KCNA2: variants seen among roughly 807,000 people sequenced by gnomAD.
KCNA2 encodes potassium voltage-gated channel subfamily A member 2.
In KCNA2, 11 loss-of-function variants were observed where a neutral mutation model predicts 33.4. That is an observed-to-expected ratio of 0.33 (90% CI 0.21 to 0.55). The LOEUF (loss-of-function observed/expected upper bound fraction) is 0.55. Ranked by LOEUF, KCNA2 falls within the 20% of genes least tolerant of loss-of-function variation. The pLI is 0.93. For missense variants in KCNA2, 291 were observed against 621.6 expected (o/e 0.47, Z 5.66); for synonymous variants, 222 against 231.3 (o/e 0.96, Z 0.37).
intron 1 of KCNA2, among the ~76,000 whole-genome samples, chr1:110,622,935 A>G (rs572445528): frequency 6.6e-6 from 1 of 152,344 alleles, no homozygotes; most frequent in East Asian, 1.9e-4. Flanking sequence ...TAGAATCTCA[A>G]TAAAAATCTT....
Position 110,594,211 on chromosome 1 carries a change from A to G in KCNA2, c.*9072T>C. On this transcript the variant is annotated 3_prime_UTR_variant, in exon 3 of 3. Transcript: ENST00000316361. Reference sequence around the variant, plus strand: ...GCTGAAGATTCATGCACAAGCAGCAAGGAAGCCAGTGCAAACCCTAACTGG... The same window carrying G: ...GCTGAAGATTCATGCACAAGCAGCAGGGAAGCCAGTGCAAACCCTAACTGG... 8.7e-7 allele frequency: 1 copy of G among 1,154,148 alleles called. No individual in the cohort carries two copies. Among genetic ancestry groups the G allele is most frequent in the Non-Finnish European group, 1.1e-6 (1 of 936,072 alleles). The allele number at this position is 1,154,148 out of a possible 1,614,324, so 71.5% of individuals were successfully genotyped here.
intron 1 of KCNA2, among the ~76,000 whole-genome samples, chr1:110,630,691 A>T (rs866273976): frequency 1.1e-4 from 17 of 152,348 alleles, no homozygotes; most frequent in South Asian, 4.1e-4. Flanking sequence ...AACAACAGAC[A>T]CTAAGCACCT....
At position 110,603,120 on chromosome 1, in the gene KCNA2, C is replaced by T. The variant is rs1649429734; in HGVS notation, c.*163G>A. The T allele has an allele frequency of 1.7e-5, 25 of 1,431,696 alleles. No individual in the cohort carries two copies. The South Asian group carries it at 3.6e-4, about 20-fold the overall frequency. The allele number at this position is 1,431,696 out of a possible 1,614,324, so 88.7% of individuals were successfully genotyped here. A position where few individuals can be genotyped will look rare whatever the true frequency, so the allele number is the denominator to read the frequency against. On this transcript the variant is annotated 3_prime_UTR_variant, in exon 3 of 3. Coordinates refer to ENST00000316361, the MANE Select transcript of KCNA2 (RefSeq NM_004974.4). This position sits in a 1 kb window ranked among gnomAD's most constrained non-coding sequence, Gnocchi z 5.7. ...GTGCATGAAAGCCATGATAGATATT[C>T]TGTGTTCTAAATCAAAAGTCAAAAG...
Position 110,595,657 on chromosome 1 carries a change from GT to G in KCNA2, c.*7625del. On this transcript the variant is annotated 3_prime_UTR_variant, in exon 3 of 3. Coordinates refer to ENST00000316361, the MANE Select transcript of KCNA2 (RefSeq NM_004974.4). ...AGCAGGTTTTAGCTTGCATCCAGCT[GT>G]TTCTTGAGTGATGTGTACAGCTTAC... 1.0e-6 allele frequency: 1 copy of G among 985,448 alleles called. No homozygotes were observed. The highest frequency in any genetic ancestry group is 1.2e-6 in the Non-Finnish European group (1 of 829,952). 61.0% of individuals were successfully genotyped at this position (985,448 alleles called of 1,614,324 possible). A position where few individuals can be genotyped will look rare whatever the true frequency, so the allele number is the denominator to read the frequency against.
intron 1 of KCNA2, among the ~76,000 whole-genome samples, chr1:110,623,471 C>T (rs935751371): frequency 5.3e-5 from 8 of 152,152 alleles, no homozygotes; most frequent in African/African-American, 7.2e-5. Flanking sequence ...AATTAAACCT[C>T]GCTGAATTAA....
chr1:110,625,823 G>C (rs1650374364), intron 1 of KCNA2, among the ~76,000 whole-genome samples: 1 of 152,184 alleles, frequency 6.6e-6, no homozygotes, highest in Admixed American at 6.5e-5. Flanking sequence ...AAGTGCATGT[G>C]CTCCTTAATA....
Position 110,594,079 on chromosome 1 carries a change from G to A in KCNA2, c.*9204C>T, listed in dbSNP as rs544401224. 7 of 1,440,216 alleles carry A rather than the reference G, an allele frequency of 4.9e-6. No homozygotes were observed. In the Admixed American group the frequency reaches 1.9e-4, roughly 40 times the overall value. 89.2% of individuals were successfully genotyped at this position (1,440,216 alleles called of 1,614,324 possible). On this transcript the variant is annotated 3_prime_UTR_variant, in exon 3 of 3. Coordinates refer to ENST00000316361, the MANE Select transcript of KCNA2 (RefSeq NM_004974.4). ...TCCCTTTCGGCATCATCCTTACGAAGCTTTACCATCAGCCTTGGAGTTCCT... is the reference window on the plus strand; with the variant it reads ...TCCCTTTCGGCATCATCCTTACGAAACTTTACCATCAGCCTTGGAGTTCCT...
chr1:110,608,446 T>C (rs1649754731), upstream of KCNA2, among the ~76,000 whole-genome samples: 2 of 151,924 alleles, frequency 1.3e-5, no homozygotes, highest in Admixed American at 1.3e-4. Flanking sequence ...CACTGGGCCC[T>C]CCCCCCTACC....
rs1648969440 is a variant in KCNA2 at position 110,593,840 on chromosome 1, G to A, written c.*9443C>T. ...CTCAGCTGCAGAAGTCCTGGGTGGG[G>A]CAGTGTTGGTGGGGCTGAAAGCTTC... On this transcript the variant is annotated 3_prime_UTR_variant, in exon 3 of 3. Transcript: ENST00000316361. 2 of 1,547,524 alleles carry A rather than the reference G, an allele frequency of 1.3e-6. No individual in the cohort carries two copies. Among genetic ancestry groups the A allele is most frequent in the South Asian group, 1.2e-5 (1 of 83,462 alleles).
chr1:110,611,952 C>T (rs544704214), intron 1 of KCNA2, among the ~76,000 whole-genome samples: 5 of 152,130 alleles, frequency 3.3e-5, no homozygotes, highest in East Asian at 3.9e-4. Flanking sequence ...AGCCCCAGCG[C>T]GGTGGAGGTT....
In KCNA2 at chr1:110,598,674, G is replaced by A. The variant is rs897520004; in HGVS notation, c.*4609C>T. On this transcript the variant is annotated 3_prime_UTR_variant, in exon 3 of 3. Coordinates refer to ENST00000316361, the MANE Select transcript of KCNA2 (RefSeq NM_004974.4). ...TAACGCAATCTAGAGGCACACTCCC[G>A]TGGGGCCCCTTTTAAAAGGCTAACC... 20 of 985,246 alleles carry A rather than the reference G, an allele frequency of 2.0e-5. No individual in the cohort carries two copies. Among genetic ancestry groups the A allele is most frequent in the East Asian group, 1.1e-4 (1 of 8,796 alleles). The allele number at this position is 985,246 out of a possible 1,614,324, so 61.0% of individuals were successfully genotyped here. A position where few individuals can be genotyped will look rare whatever the true frequency, so the allele number is the denominator to read the frequency against.
At chr1:110,621,098 C>A (rs1650246170) in intron 1 of KCNA2, among the ~76,000 whole-genome samples, 2 of 152,230 alleles carry the variant, frequency 1.3e-5, no homozygotes, top group African/African-American at 4.8e-5. Context: ...CTTGGACAAC[C>A]AATCTCTGGG....
chr1:110,620,085 A>AGT (rs1650210370), intron 1 of KCNA2, among the ~76,000 whole-genome samples: 2 of 140,958 alleles, frequency 1.4e-5, no homozygotes, highest in Non-Finnish European at 1.5e-5. Context: ...AGAGAGAGAG[A>AGT]GAGTGAGTGA....
Position 110,598,393 on chromosome 1 carries a change from AG to A in KCNA2, c.*4889del. The A allele has an allele frequency of 2.0e-6, 2 of 985,286 alleles. No homozygotes were observed. Among genetic ancestry groups the A allele is most frequent in the Non-Finnish European group, 2.4e-6 (2 of 829,920 alleles). 61.0% of individuals were successfully genotyped at this position (985,286 alleles called of 1,614,324 possible). ...TTGCACACTGTTCTATAGTTTCCTTAGGGGGGAGTCAGCCTCTGTGACTCTA... is the reference window on the plus strand; with the variant it reads ...TTGCACACTGTTCTATAGTTTCCTTAGGGGGAGTCAGCCTCTGTGACTCTA... On this transcript the variant is annotated 3_prime_UTR_variant, in exon 3 of 3. Transcript: ENST00000316361.
intron 1 of KCNA2, among the ~76,000 whole-genome samples, chr1:110,613,962 C>T (rs4839543): frequency 0.99 from 151,200 of 152,350 alleles, 75,040 homozygotes; most frequent in East Asian, 1. Flanking sequence ...TCTGCTCACA[C>T]GTGCTTATTG....
chr1:110,625,328 C>T lies in KCNA2; in HGVS notation c.-496+6067G>A, dbSNP rs189329585. Among the ~76,000 whole-genome samples, 514 of 152,182 alleles carry T rather than the reference C, an allele frequency of 3.4e-3. 1 individual carries two copies. The highest frequency in any genetic ancestry group is 5.4e-3 in the Non-Finnish European group (368 of 68,002). ...AATTGAATGGGAAGTTCAGACATAG[C>T]CTGAGGACATATATAAATTTGTATA... On this transcript the variant is annotated intron_variant, in intron 1 of 4. Coordinates refer to the KCNA2 transcript ENST00000369770.
In KCNA2 at chr1:110,595,982, T is replaced by A. The variant is rs1649082535; in HGVS notation, c.*7301A>T. The stretch of plus-strand genomic sequence containing the variant: ...TTGGAATAACTTTTCTGATCCTCAG[T>A]GATGAGGTTATAGCCAACCAGGGCA... On this transcript the variant is annotated 3_prime_UTR_variant, in exon 3 of 3. Coordinates refer to ENST00000316361, the MANE Select transcript of KCNA2 (RefSeq NM_004974.4). 3 of 985,356 alleles carry A rather than the reference T, an allele frequency of 3.0e-6. No homozygotes were observed. The African/African-American group carries it at 5.2e-5, about 17-fold the overall frequency. The allele number at this position is 985,356 out of a possible 1,614,324, so 61.0% of individuals were successfully genotyped here.
chr1:110,619,295 T>C (rs934983301), intron 1 of KCNA2, among the ~76,000 whole-genome samples: 1 of 152,186 alleles, frequency 6.6e-6, no homozygotes, highest in Admixed American at 6.5e-5. Context: ...AGGAGATGCC[T>C]GGCACACACT....
intron 1 of KCNA2, among the ~76,000 whole-genome samples, chr1:110,627,734 G>T (rs1207922731): frequency 6.6e-6 from 1 of 151,802 alleles, no homozygotes; most frequent in African/African-American, 2.4e-5. Flanking sequence ...TATAAAAAAT[G>T]TTAATACAAC....
Sources: gnomAD v4.1 joint callset for allele counts (sites outside exome capture counted in the v4.1 genomes callset) on GRCh38, gnomAD v4.1.1 for gene constraint, Gnocchi (gnomAD v3.1) non-coding constraint, MANE v1.5 for transcripts, NCBI Gene and HGNC (gene_info 2026-07-23, HGNC 2026-07-21) for gene names.